Variants in ZNF565 observed in about 807,000 individuals in gnomAD.
The protein encoded by ZNF565 is zinc finger protein 565.
In ZNF565, 27 loss-of-function variants were observed where a neutral mutation model predicts 39.4. The observed-to-expected ratio is 0.69, with a 90% CI of 0.51 to 0.95. ZNF565 has a LOEUF of 0.95. Among genes scored for constraint, ZNF565 ranks in the 40% least tolerant of loss-of-function variants. The pLI, the probability that ZNF565 is intolerant of heterozygous loss-of-function variation, is 0.00. For missense variants in ZNF565, 524 were observed against 621.1 expected (o/e 0.84, Z 1.66); for synonymous variants, 185 against 216.6 (o/e 0.85, Z 1.28).
intron 1 of ZNF565, chr19:36,236,797 G>C (rs781107422): frequency 1.2e-6 from 2 of 1,614,166 alleles, no homozygotes; most frequent in South Asian, 2.2e-5. Flanking sequence ...TCAGACACCA[G>C]AGAACTCACA....
Position 36,183,266 on chromosome 19 carries a change from G to T in ZNF565, c.700C>A (p.Arg234Ser). 1 of 1,614,022 alleles carries T rather than the reference G, an allele frequency of 6.2e-7. No individual in the cohort carries two copies. Among genetic ancestry groups the T allele is most frequent in the South Asian group, 1.1e-5 (1 of 91,050 alleles). The change falls in exon 5 of 5, where the codon CGT (arginine) becomes AGT (serine). Residue 234 changes from arginine to serine, a missense_variant. By Grantham distance (110) the Arg-to-Ser change is moderately radical. Transcript: ENST00000304116. ...DCKDCGKAFGRTSELILHQRL... is the reference protein window; with the variant it reads ...DCKDCGKAFGSTSELILHQRL... ...TGATGTAGAATAAGTTCTGATGTAC[G>T]ACCAAAGGCCTTCCCACAGTCCTTA...
upstream of ZNF565, among the ~76,000 whole-genome samples, chr19:36,219,427 C>A (rs144054427): frequency 6.6e-6 from 1 of 152,212 alleles, no homozygotes; most frequent in African/African-American, 2.4e-5. Flanking sequence ...AGAAAGTCAT[C>A]ATTATCCGCT....
intron 2 of ZNF565, among the ~76,000 whole-genome samples, chr19:36,199,203 C>A (rs1475782475): frequency 6.6e-6 from 1 of 152,178 alleles, no homozygotes; most frequent in South Asian, 2.1e-4. Context: ...GGAGGGTATA[C>A]CTGAGTTACA....
Position 36,195,669 on chromosome 19 carries a change from C to T in ZNF565, c.10-513G>A, listed in dbSNP as rs867429844. ...AAGTGATTCTCCTGCCTCAGCCTCC[C>T]GAATAGCTGGGACCATAGGCGCGTG... On this transcript the variant is annotated intron_variant, in intron 2 of 4. Transcript: ENST00000304116. Among the ~76,000 whole-genome samples the T allele has an allele frequency of 2.1e-5, 3 of 140,168 alleles. 1 individual carries two copies. The highest frequency in any genetic ancestry group is 5.4e-5 in the African/African-American group (2 of 37,042). 92.0% of individuals were successfully genotyped at this position (140,168 alleles called of 152,430 possible).
intron 1 of ZNF565, among the ~76,000 whole-genome samples, chr19:36,204,920 G>A (rs934651437): frequency 8.6e-5 from 13 of 152,022 alleles, no homozygotes; most frequent in East Asian, 1.9e-4. Context: ...CCTGGGAGGC[G>A]GAGGTTGCAG....
chr19:36,226,413 A>C (rs1207192715), intron 1 of ZNF565, among the ~76,000 whole-genome samples: 1 of 152,190 alleles, frequency 6.6e-6, no homozygotes, highest in Admixed American at 6.5e-5. Flanking sequence ...TATATATGTG[A>C]AACTTAAATT....
intron 1 of ZNF565, chr19:36,235,896 C>CTCGGTGGTCGCCGT: frequency 6.6e-6 from 1 of 152,476 alleles, no homozygotes; most frequent in Non-Finnish European, 1.5e-5. Flanking sequence ...AGGAAAGAAT[C>CTCGGTGGTCGCCGT]ATCAAGGGAC....
intron 1 of ZNF565, chr19:36,238,081 G>A (rs554605037): frequency 6.0e-6 from 1 of 167,126 alleles, no homozygotes; most frequent in East Asian, 1.9e-4. Flanking sequence ...CCAAAAATTA[G>A]AAACAACTGA....
At chr19:36,237,945 A>G (rs984467631) in intron 1 of ZNF565, 7 of 167,200 alleles carry the variant, frequency 4.2e-5, no homozygotes, top group African/African-American at 1.4e-4. Flanking sequence ...ACTAAAATGC[A>G]TATGACCTTG....
chr19:36,200,437 T>C (rs2145339315), intron 2 of ZNF565, among the ~76,000 whole-genome samples: 1 of 152,274 alleles, frequency 6.6e-6, no homozygotes, highest in East Asian at 1.9e-4. Flanking sequence ...TTTAGTGGCA[T>C]TGTTTTACAT....
chr19:36,206,276 T>C (rs1469641089), intron 1 of ZNF565, among the ~76,000 whole-genome samples: 1 of 151,904 alleles, frequency 6.6e-6, no homozygotes, highest in African/African-American at 2.4e-5. Context: ...TCACATCCTA[T>C]GGGAAGAGAC....
intron 1 of ZNF565, among the ~76,000 whole-genome samples, chr19:36,230,224 G>C (rs1977267917): frequency 6.6e-6 from 1 of 152,190 alleles, no homozygotes; most frequent in Non-Finnish European, 1.5e-5. Context: ...GCTCTCAAAA[G>C]AAGTAAACCC....
chr19:36,211,583 G>A (rs1485546887), intron 1 of ZNF565, among the ~76,000 whole-genome samples: 2 of 151,708 alleles, frequency 1.3e-5, no homozygotes, highest in Non-Finnish European at 2.9e-5. Context: ...CACGAGGTTA[G>A]GAGATCGAGA....
chr19:36,225,548 T>C (rs185178315), intron 1 of ZNF565, among the ~76,000 whole-genome samples: 74 of 152,116 alleles, frequency 4.9e-4, no homozygotes, highest in African/African-American at 1.7e-3. Flanking sequence ...CCTCCTAGGC[T>C]CAAGCAGTCC....
intron 1 of ZNF565, among the ~76,000 whole-genome samples, chr19:36,221,284 CTTTTTTTTTTT>C (rs74172797): frequency 1.0e-5 from 1 of 98,700 alleles, no homozygotes; most frequent in Non-Finnish European, 1.9e-5. Context: ...TAAGGGACTG[CTTTTTTTTTTT>C]TTTTTTTTTT....
intron 2 of ZNF565, among the ~76,000 whole-genome samples, chr19:36,199,625 G>A (rs1358053189): frequency 2.0e-5 from 3 of 150,728 alleles, no homozygotes; most frequent in Non-Finnish European, 4.4e-5. Context: ...TCCTGTCTGA[G>A]CCTCCTGAGT....
At chr19:36,233,501 G>A (rs767884253) in intron 1 of ZNF565, among the ~76,000 whole-genome samples, 3 of 152,054 alleles carry the variant, frequency 2.0e-5, no homozygotes, top group Non-Finnish European at 4.4e-5. Context: ...GCATACGGAG[G>A]ACCTCTCAAG....
chr19:36,217,885 CA>C (rs10590776), upstream of ZNF565, among the ~76,000 whole-genome samples: 987 of 133,218 alleles, frequency 7.4e-3, 4 homozygotes, highest in Middle Eastern at 0.026. Flanking sequence ...AACTCCATCT[CA>C]AAAAAAAAAA....
intron 1 of ZNF565, among the ~76,000 whole-genome samples, chr19:36,230,023 G>C (rs952847385): frequency 6.6e-6 from 1 of 152,140 alleles, no homozygotes; most frequent in Admixed American, 6.6e-5. Context: ...CCTGGCTAAC[G>C]CATAATTTAA....
Sources: allele counts gnomAD v4.1 joint callset (sites outside exome capture counted in the v4.1 genomes callset), GRCh38; gene constraint gnomAD v4.1.1; transcripts MANE v1.5; gene names NCBI Gene and HGNC (gene_info 2026-07-23, HGNC 2026-07-21).